The following DHRSX variants were observed in gnomAD, a reference collection of about 807,000 sequenced individuals.
The protein encoded by DHRSX is dehydrogenase/reductase X-linked.
DHRSX carries 31 observed loss-of-function variants against 34.0 expected under a neutral mutation model. That is an observed-to-expected ratio of 0.91 (90% CI 0.69 to 1.23). DHRSX has a LOEUF of 1.23. DHRSX is among the 50% of genes most tolerant of loss of function. The probability of loss-of-function intolerance (pLI) is 0.00; values close to 1 mark genes in which losing one functional copy is unlikely to be tolerated. For missense variants in DHRSX, 414 were observed against 428.1 expected, an observed-to-expected ratio of 0.97 and a Z score of 0.29; for synonymous variants, 201 against 183.8, an observed-to-expected ratio of 1.09 and a Z score of -0.76.
At chrX:2,257,950 G>A (rs1403459744) in intron 5 of DHRSX, among the ~76,000 whole-genome samples, 2 of 152,076 alleles carry the variant, frequency 1.3e-5, no homozygotes, top group Non-Finnish European at 2.9e-5. Flanking sequence ...TTAAAGATGC[G>A]ATTCAGGTAA....
intron 1 of DHRSX, among the ~76,000 whole-genome samples, chrX:2,483,751 T>C (rs956528626): frequency 6.2e-5 from 9 of 146,160 alleles, no homozygotes; most frequent in Non-Finnish European, 8.9e-5. Flanking sequence ...ATAAGTGGAT[T>C]CCAATTGGTG....
intron 6 of DHRSX, among the ~76,000 whole-genome samples, chrX:2,234,443 C>T (rs2015967691): frequency 6.6e-6 from 1 of 151,994 alleles, no homozygotes; most frequent in Non-Finnish European, 1.5e-5. Flanking sequence ...GACCCACACA[C>T]ACACATTCAG....
At chrX:2,356,191 C>G (rs1173956762) in intron 3 of DHRSX, among the ~76,000 whole-genome samples, 1 of 151,780 alleles carries the variant, frequency 6.6e-6, no homozygotes, top group Non-Finnish European at 1.5e-5. Context: ...GGCAGGCCAA[C>G]ATGGTGAAAC....
intron 3 of DHRSX, among the ~76,000 whole-genome samples, chrX:2,394,736 C>G (rs980260279): frequency 9.2e-5 from 14 of 152,032 alleles, no homozygotes; most frequent in South Asian, 4.2e-4. Flanking sequence ...CGTGGTGGCA[C>G]GTGCCTGTAG....
intron 1 of DHRSX, chrX:2,489,834 T>C (rs1260505548): frequency 1.4e-5 from 22 of 1,613,654 alleles, no homozygotes; most frequent in African/African-American, 2.7e-5. Flanking sequence ...ATGCCGGCAT[T>C]GAAGGTGTGG....
rs151286574 is a variant in DHRSX, at chrX:2,472,798, T to G, written c.109+28019A>C. 3.1e-3 allele frequency among the ~76,000 whole-genome samples: 472 copies of G among 152,134 alleles called. 8 individuals carry two copies. Among genetic ancestry groups the G allele is most frequent in the African/African-American group, 0.01 (417 of 41,530 alleles). On this transcript the variant is annotated intron_variant, in intron 1 of 6. Coordinates refer to ENST00000334651, the MANE Select transcript of DHRSX (RefSeq NM_145177.3). ...ATAAATAAATAAATAAAACACTACATGTGCTGCTATTGGGAATATTTTACT... is the reference window on the plus strand; with the variant it reads ...ATAAATAAATAAATAAAACACTACAGGTGCTGCTATTGGGAATATTTTACT...
chrX:2,266,830 G>T lies in DHRSX; in HGVS notation c.506C>A (p.Ser169Tyr). The T allele has an allele frequency of 6.2e-7, 1 of 1,613,992 alleles. No individual in the cohort carries two copies. The highest frequency in any genetic ancestry group is 1.1e-5 in the South Asian group (1 of 91,072). ...CCTCGCACTGTGGCCAGGGGACCCA[G>T]ACTCTTTCAGCGTATCCAAGAGAAG... ...TNLLLDTLKE[S>Y]GSPGHSARVV... is the part of the protein sequence containing the mutation. Residue 169 changes from serine (S) to tyrosine (Y), a missense_variant, in exon 5 of 7, where the codon TCT becomes TAT. Transcript: ENST00000334651.
chrX:2,371,746 C>T (rs1434780742), intron 3 of DHRSX, among the ~76,000 whole-genome samples: 1 of 151,972 alleles, frequency 6.6e-6, no homozygotes, highest in East Asian at 1.9e-4. Context: ...ACAGCCCCTC[C>T]TCCTCCCATT....
chrX:2,250,561 TA>T (rs1212475999), intron 5 of DHRSX, among the ~76,000 whole-genome samples: 1 of 152,048 alleles, frequency 6.6e-6, no homozygotes. Flanking sequence ...ATGGCATCTG[TA>T]AACCGTCTCT....
chrX:2,300,789 TGTTA>T (rs2042000028), intron 3 of DHRSX, among the ~76,000 whole-genome samples: 1 of 152,154 alleles, frequency 6.6e-6, no homozygotes, highest in East Asian at 1.9e-4. Flanking sequence ...CTATTTATCC[TGTTA>T]GTTATATCCC....
At chrX:2,323,127 C>A (rs1362238327) in intron 3 of DHRSX, among the ~76,000 whole-genome samples, 5 of 151,494 alleles carry the variant, frequency 3.3e-5, no homozygotes, top group African/African-American at 1.2e-4. Context: ...ACAGCCAGAG[C>A]TGACTAAGAC....
chrX:2,410,469 T>C lies in DHRSX; in HGVS notation c.218-1656A>G, dbSNP rs559569490. Among the ~76,000 whole-genome samples the C allele has an allele frequency of 9.8e-5, 15 of 152,314 alleles. No individual in the cohort carries two copies. In the South Asian group the frequency reaches 2.7e-3, roughly 27 times the overall value. ...CACCCAGCCCGGGCCAGTGAGGTGT[T>C]CTGTAGTACAGCACCGTCCCCGGGT... On this transcript the variant is annotated intron_variant, in intron 2 of 6. Transcript: ENST00000334651.
chrX:2,419,969 A>G (rs1261133149), intron 2 of DHRSX, among the ~76,000 whole-genome samples: 2 of 152,158 alleles, frequency 1.3e-5, no homozygotes, highest in African/African-American at 2.4e-5. Context: ...AAAGTATAAT[A>G]ATAAAATTTT....
intron 6 of DHRSX, among the ~76,000 whole-genome samples, chrX:2,229,859 A>G (rs936707808): frequency 3.3e-5 from 5 of 152,096 alleles, no homozygotes; most frequent in Non-Finnish European, 7.4e-5. Flanking sequence ...TGTGTATTGT[A>G]TGAGTGTATG....
intron 6 of DHRSX, among the ~76,000 whole-genome samples, chrX:2,235,737 G>A (rs1278647532): frequency 2.3e-5 from 1 of 43,604 alleles, no homozygotes; most frequent in East Asian, 1.2e-3. Context: ...AGCATCTCAG[G>A]GGAAAAAAAA....
intron 3 of DHRSX, 71 bp downstream of exon 3, chrX:2,408,674 T>A: frequency 7.3e-7 from 1 of 1,375,620 alleles, no homozygotes. Context: ...AGCTCAGCCA[T>A]GAACCACGCA....
intron 1 of DHRSX, among the ~76,000 whole-genome samples, chrX:2,434,378 G>A (rs1049126200): frequency 1.3e-5 from 2 of 152,124 alleles, no homozygotes; most frequent in Non-Finnish European, 2.9e-5. Flanking sequence ...CTCCTGAAAG[G>A]TGACAGGCAG....
At chrX:2,344,268 G>A (rs1294819547) in intron 3 of DHRSX, among the ~76,000 whole-genome samples, 1 of 152,136 alleles carries the variant, frequency 6.6e-6, no homozygotes, top group Non-Finnish European at 1.5e-5. Flanking sequence ...CGGGTCATTA[G>A]AGAAATGCAA....
At chrX:2,383,011 T>A (rs937095019) in intron 3 of DHRSX, among the ~76,000 whole-genome samples, 15 of 147,566 alleles carry the variant, frequency 1.0e-4, no homozygotes, top group Non-Finnish European at 1.9e-4. Context: ...ATCACCAACA[T>A]CATTATCATT....
Sources: gnomAD v4.1 joint callset for allele counts (sites outside exome capture counted in the v4.1 genomes callset) on GRCh38, gnomAD v4.1.1 for gene constraint, MANE v1.5 for transcripts, NCBI Gene and HGNC (gene_info 2026-07-23, HGNC 2026-07-21) for gene names.